Variants in KCNJ6 observed in about 807,000 individuals in gnomAD.
The protein encoded by KCNJ6 is potassium inwardly rectifying channel subfamily J member 6.
Under a neutral mutation model 34.2 loss-of-function variants are expected in KCNJ6, and 9 were observed. The observed-to-expected ratio is 0.26, with a 90% CI of 0.16 to 0.46. The LOEUF (loss-of-function observed/expected upper bound fraction) is 0.46, where lower values mean the gene tolerates loss of function less well. Among genes scored for constraint, KCNJ6 ranks in the 20% least tolerant of loss-of-function variants. The pLI, the probability that KCNJ6 is intolerant of heterozygous loss-of-function variation, is 1.00. For synonymous variants in KCNJ6, 196 were observed against 207.1 expected, an observed-to-expected ratio of 0.95 and a Z score of 0.46; for missense variants, 236 against 531.3, an observed-to-expected ratio of 0.44 and a Z score of 5.46.
At chr21:37,902,368 C>T (rs1042396192) in intron 1 of KCNJ6, among the ~76,000 whole-genome samples, 19 of 152,178 alleles carry the variant, frequency 1.2e-4, no homozygotes, top group Non-Finnish European at 2.8e-4. Flanking sequence ...AAAGCTCTTT[C>T]CCATGTGACA....
intron 2 of KCNJ6, among the ~76,000 whole-genome samples, chr21:37,737,505 A>C (rs2054919237): frequency 6.6e-6 from 1 of 152,206 alleles, no homozygotes; most frequent in African/African-American, 2.4e-5. Flanking sequence ...CTAAAAGGAA[A>C]AGTTTTCCTA....
At chr21:37,889,210 G>A (rs1017228471) in intron 1 of KCNJ6, among the ~76,000 whole-genome samples, 7 of 152,206 alleles carry the variant, frequency 4.6e-5, no homozygotes, top group African/African-American at 1.4e-4. Context: ...GCTAAGTGGA[G>A]TTCAGGTCTA....
intron 2 of KCNJ6, among the ~76,000 whole-genome samples, chr21:37,725,456 A>G (rs144783723): frequency 7.2e-5 from 11 of 152,348 alleles, no homozygotes; most frequent in African/African-American, 2.6e-4. Flanking sequence ...AGCAATACAA[A>G]TAAGATAAAC....
intron 3 of KCNJ6, among the ~76,000 whole-genome samples, chr21:37,665,038 C>T (rs374296551): frequency 3.7e-4 from 57 of 152,096 alleles, no homozygotes; most frequent in African/African-American, 1.3e-3. Context: ...CCTTGGGATC[C>T]GCCTGCCTCA....
chr21:37,740,048 G>A (rs1210289248), intron 2 of KCNJ6, among the ~76,000 whole-genome samples: 1 of 152,174 alleles, frequency 6.6e-6, no homozygotes, highest in Non-Finnish European at 1.5e-5. Context: ...GTGGCTTGTG[G>A]AGGAAGCTCA....
chr21:37,624,905 T>G lies in KCNJ6; in HGVS notation c.*254A>C. On this transcript the variant is annotated 3_prime_UTR_variant, in exon 4 of 4. Coordinates refer to ENST00000609713, the MANE Select transcript of KCNJ6 (RefSeq NM_002240.5). ...TCCAGGAGTTGGATGTGTAGTATTTTGGGAGGAGACCAGGCTTGGGCCACA... is the reference window on the plus strand; with the variant it reads ...TCCAGGAGTTGGATGTGTAGTATTTGGGGAGGAGACCAGGCTTGGGCCACA... 3.8e-6 allele frequency: 2 copies of G among 520,714 alleles called. No homozygotes were observed. The highest frequency in any genetic ancestry group is 3.3e-5 in the East Asian group (1 of 30,590). 32.3% of individuals were successfully genotyped at this position (520,714 alleles called of 1,614,324 possible).
At chr21:37,871,829 A>ATT (rs3838100) in intron 1 of KCNJ6, among the ~76,000 whole-genome samples, 4 of 152,122 alleles carry the variant, frequency 2.6e-5, no homozygotes, top group South Asian at 4.1e-4. Flanking sequence ...TTTTTCTTCT[A>ATT]TTTTTTAACG....
At chr21:37,666,681 A>G (rs1052901508) in intron 3 of KCNJ6, among the ~76,000 whole-genome samples, 1 of 152,098 alleles carries the variant, frequency 6.6e-6, no homozygotes, top group African/African-American at 2.4e-5. Flanking sequence ...AGAACGGGCC[A>G]TGATGACGAT....
intron 3 of KCNJ6, among the ~76,000 whole-genome samples, chr21:37,649,976 G>A (rs1308190024): frequency 6.6e-6 from 1 of 150,786 alleles, no homozygotes; most frequent in Non-Finnish European, 1.5e-5. Flanking sequence ...TGTTAGCCAG[G>A]ATGGTCTCCA....
intron 2 of KCNJ6, among the ~76,000 whole-genome samples, chr21:37,715,584 A>ACCAAAT (rs1215885104): frequency 6.6e-6 from 1 of 152,188 alleles, no homozygotes; most frequent in Non-Finnish European, 1.5e-5. Context: ...TTGTGTCCTC[A>ACCAAAT]CCAAATCCAT....
rs1362176659 is a variant in KCNJ6, at chr21:37,617,115, TCTTC to T, written c.*8040_*8043del. ...TCTTTCTTTTCTTTCTTTCTTTCCT[TCTTC>T]CTTCCTTCCTTCTTTCTTTCCTTCC... On this transcript the variant is annotated 3_prime_UTR_variant, in exon 4 of 4. Coordinates refer to ENST00000609713, the MANE Select transcript of KCNJ6 (RefSeq NM_002240.5). The T allele has an allele frequency of 9.9e-5, 13 of 131,218 alleles. No homozygotes were observed. In the South Asian group the frequency reaches 1.1e-3, roughly 11 times the overall value. The allele number at this position is 131,218 out of a possible 1,614,324, so 8.1% of individuals were successfully genotyped here.
intron 2 of KCNJ6, among the ~76,000 whole-genome samples, chr21:37,818,213 T>C (rs578241203): frequency 1.9e-3 from 53 of 27,446 alleles, no homozygotes; most frequent in African/African-American, 6.9e-3. Flanking sequence ...TGTGCGTGCG[T>C]GTGTGTGTGT....
chr21:37,733,618 G>T (rs2054897573), intron 2 of KCNJ6, among the ~76,000 whole-genome samples: 1 of 152,156 alleles, frequency 6.6e-6, no homozygotes, highest in Non-Finnish European at 1.5e-5. Flanking sequence ...GGTTTTTTAG[G>T]ATAAAATAAG....
intron 3 of KCNJ6, among the ~76,000 whole-genome samples, chr21:37,656,916 C>T (rs752887817): frequency 2.0e-4 from 30 of 152,310 alleles, no homozygotes; most frequent in Non-Finnish European, 3.8e-4. Context: ...CCAGGGTACT[C>T]AATGATGCTT....
At chr21:37,715,515 G>C (rs963714135) in intron 2 of KCNJ6, among the ~76,000 whole-genome samples, 1 of 152,210 alleles carries the variant, frequency 6.6e-6, no homozygotes, top group Non-Finnish European at 1.5e-5. Context: ...GACAGGCTTA[G>C]CTCTACTACT....
intron 3 of KCNJ6, among the ~76,000 whole-genome samples, chr21:37,664,772 T>G (rs1165123177): frequency 6.7e-6 from 1 of 150,030 alleles, no homozygotes; most frequent in Admixed American, 6.7e-5. Flanking sequence ...TTATGGAGAT[T>G]GGAAAAAGAA....
At chr21:37,653,512 G>T (rs2054443540) in intron 3 of KCNJ6, among the ~76,000 whole-genome samples, 1 of 152,118 alleles carries the variant, frequency 6.6e-6, no homozygotes, top group South Asian at 2.1e-4. Context: ...ACTCAAGGGG[G>T]GACGTAGGGT....
At chr21:37,632,927 G>A (rs1396539154) in intron 3 of KCNJ6, among the ~76,000 whole-genome samples, 10 of 151,974 alleles carry the variant, frequency 6.6e-5, no homozygotes, top group Admixed American at 1.3e-4. Context: ...AAGAAATCAT[G>A]ATAATTTTAC....
At position 37,786,132 on chromosome 21, in the gene KCNJ6, A is replaced by G. The variant is rs191530957; in HGVS notation, c.25+54526T>C. 6.6e-5 allele frequency among the ~76,000 whole-genome samples: 10 copies of G among 152,344 alleles called. No homozygotes were observed. The East Asian group carries it at 1.9e-3, about 29-fold the overall frequency. On this transcript the variant is annotated intron_variant, in intron 2 of 3. Transcript: ENST00000609713. ...TACAGCCTAGCCCTCCAAGTGGTCAATATTAATCAGATGAAGTTGGTGTTG... is the reference window on the plus strand; with the variant it reads ...TACAGCCTAGCCCTCCAAGTGGTCAGTATTAATCAGATGAAGTTGGTGTTG...
Sources: gnomAD v4.1 joint callset for allele counts (sites outside exome capture counted in the v4.1 genomes callset) on GRCh38, gnomAD v4.1.1 for gene constraint, MANE v1.5 for transcripts, NCBI Gene and HGNC (gene_info 2026-07-23, HGNC 2026-07-21) for gene names.